The following POT1 variants were observed in gnomAD, a reference collection of about 807,000 sequenced individuals.
POT1 encodes the protein protection of telomeres 1, also known as protection of telomeres protein 1.
In POT1, 47 loss-of-function variants were observed where a neutral mutation model predicts 78.5. That is an observed-to-expected ratio of 0.60 (90% CI 0.47 to 0.76). The LOEUF (loss-of-function observed/expected upper bound fraction) is 0.76, where lower values mean the gene tolerates loss of function less well. Among genes scored for constraint, POT1 ranks in the 30% least tolerant of loss-of-function variants. POT1 has a pLI of 0.00. For missense variants in POT1, 646 were observed against 749.9 expected, an observed-to-expected ratio of 0.86 and a Z score of 1.62; for synonymous variants, 259 against 260.7, an observed-to-expected ratio of 0.99 and a Z score of 0.06.
chr7:124,881,529 C>T (rs1408761092), intron 6 of POT1, among the ~76,000 whole-genome samples: 1 of 151,982 alleles, frequency 6.6e-6, no homozygotes, highest in African/African-American at 2.4e-5. Context: ...AAACACCTTT[C>T]AGGTTCCCTC....
intron 6 of POT1, among the ~76,000 whole-genome samples, chr7:124,878,810 A>G (rs1245940633): frequency 6.6e-6 from 1 of 152,146 alleles, no homozygotes; most frequent in East Asian, 1.9e-4. Flanking sequence ...AAAATGTAGC[A>G]TAGAGATAGC....
At chr7:124,843,257 C>T (rs1320000900) in intron 12 of POT1, 2 of 205,686 alleles carry the variant, frequency 9.7e-6, no homozygotes, top group Non-Finnish European at 1.9e-5. Context: ...GTTTATTTAG[C>T]TAAGAAAATA....
At chr7:124,882,384 G>A (rs1016549184) in intron 6 of POT1, among the ~76,000 whole-genome samples, 4 of 152,026 alleles carry the variant, frequency 2.6e-5, no homozygotes, top group African/African-American at 9.6e-5. Context: ...CTTTTACAAG[G>A]AAACTTACTG....
At position 124,824,003 on chromosome 7, in the gene POT1, A is replaced by G. The variant is rs188854542; in HGVS notation, c.1864T>C (p.Tyr622His). The G allele has an allele frequency of 3.1e-6, 5 of 1,606,468 alleles. 1 individual carries two copies. The Admixed American group carries it at 5.0e-5, about 16-fold the overall frequency. ...GCAACTGTGGTGTCAAAAATCTGATAGCAAATTTGATTATCTGTTCCATTT... is the reference window on the plus strand; with the variant it reads ...GCAACTGTGGTGTCAAAAATCTGATGGCAAATTTGATTATCTGTTCCATTT... The part of the protein sequence containing the change: ...VTNGTDNQIC[Y>H]QIFDTTVAED... Residue 622 changes from tyrosine (Y) to histidine (H), a missense_variant, in exon 19 of 19, where the codon TAT becomes CAT. Coordinates refer to ENST00000357628, the MANE Select transcript of POT1 (RefSeq NM_015450.3).
At chr7:124,858,924 CATAAA>C (rs773891457) in intron 9 of POT1, 28 bp downstream of exon 9, 1 of 1,517,028 alleles carries the variant, frequency 6.6e-7, no homozygotes, top group Non-Finnish European at 9.0e-7. Context: ...TTTATAAAAA[CATAAA>C]ATAACATTTT....
intron 5 of POT1, chr7:124,892,699 TAC>T: frequency 6.2e-6 from 1 of 161,218 alleles, no homozygotes. Context: ...TGGTTCAACT[TAC>T]AATCTTCTGA....
chr7:124,873,521 T>C (rs1429600950), intron 6 of POT1, among the ~76,000 whole-genome samples: 1 of 152,242 alleles, frequency 6.6e-6, no homozygotes. Context: ...TTGAGGATTT[T>C]TGCATCTGTA....
chr7:124,873,801 A>G (rs919304842), intron 6 of POT1, among the ~76,000 whole-genome samples: 7 of 152,198 alleles, frequency 4.6e-5, no homozygotes, highest in Admixed American at 6.5e-5. Context: ...AACAAACCCC[A>G]AAACAGTGAA....
At chr7:124,923,066 C>G (rs539899347) in intron 2 of POT1, among the ~76,000 whole-genome samples, 3 of 151,570 alleles carry the variant, frequency 2.0e-5, no homozygotes, top group Non-Finnish European at 4.4e-5. Flanking sequence ...AATTGCTACA[C>G]TAGATGCACA....
chr7:124,892,397 C>CA lies in POT1; in HGVS notation c.10-18dup, dbSNP rs755200877. The stretch of plus-strand genomic sequence containing the variant: ...TGCTGGAACCTAAAGAAAGAGAAGA[C>CA]AGTGAATACATTTATACAAAGTATT... On this transcript the variant is annotated splice_polypyrimidine_tract_variant and intron_variant, in intron 5 of 18. Transcript: ENST00000357628. 21 of 1,208,178 alleles carry CA rather than the reference C, an allele frequency of 1.7e-5. No homozygotes were observed. In the South Asian group the frequency reaches 3.3e-4, roughly 19 times the overall value. 74.8% of individuals were successfully genotyped at this position (1,208,178 alleles called of 1,614,324 possible). A position where few individuals can be genotyped will look rare whatever the true frequency, so the allele number is the denominator to read the frequency against.
At chr7:124,918,850 C>A (rs866524046) in intron 2 of POT1, among the ~76,000 whole-genome samples, 6 of 152,152 alleles carry the variant, frequency 3.9e-5, no homozygotes, top group African/African-American at 1.2e-4. Flanking sequence ...CTAGATGCAT[C>A]ATTTCAGCCT....
intron 9 of POT1, among the ~76,000 whole-genome samples, chr7:124,856,063 T>C (rs1795439047): frequency 6.6e-6 from 1 of 152,246 alleles, no homozygotes; most frequent in South Asian, 2.1e-4. Context: ...AATACATTGC[T>C]TGTAGATGTT....
intron 3 of POT1, among the ~76,000 whole-genome samples, chr7:124,909,774 G>A (rs1157804551): frequency 6.6e-6 from 1 of 151,772 alleles, no homozygotes; most frequent in Non-Finnish European, 1.5e-5. Flanking sequence ...CTAATGTAAT[G>A]TACATGTTTT....
intron 11 of POT1, among the ~76,000 whole-genome samples, chr7:124,849,964 A>C (rs1032684968): frequency 3.9e-5 from 6 of 152,144 alleles, no homozygotes; most frequent in African/African-American, 1.4e-4. Context: ...CTAAACTGTT[A>C]AATCTTACCT....
chr7:124,919,256 G>T (rs1797089553), intron 2 of POT1, among the ~76,000 whole-genome samples: 1 of 152,092 alleles, frequency 6.6e-6, no homozygotes, highest in Admixed American at 6.6e-5. Context: ...GATGTTATGG[G>T]ATGGACCACC....
chr7:124,900,496 G>T (rs2116652314), intron 3 of POT1, among the ~76,000 whole-genome samples: 1 of 152,186 alleles, frequency 6.6e-6, no homozygotes, highest in Admixed American at 6.5e-5. Context: ...AGCCCTTAAA[G>T]TCCTGTAAGT....
chr7:124,842,756 T>C, intron 13 of POT1, 51 bp downstream of exon 13: 1 of 1,479,490 alleles, frequency 6.8e-7, no homozygotes, highest in Non-Finnish European at 9.2e-7. Context: ...TATGTGTACA[T>C]ATACACACAA....
At chr7:124,879,839 G>A (rs1796077504) in intron 6 of POT1, among the ~76,000 whole-genome samples, 1 of 151,900 alleles carries the variant, frequency 6.6e-6, no homozygotes, top group Non-Finnish European at 1.5e-5. Context: ...ATACATTAAC[G>A]GTTTCATCTA....
intron 8 of POT1, among the ~76,000 whole-genome samples, chr7:124,860,260 T>C (rs1795554692): frequency 6.6e-6 from 1 of 152,098 alleles, no homozygotes; most frequent in South Asian, 2.1e-4. Context: ...GAAACTACAG[T>C]AATCACTAAA....
Sources: gnomAD v4.1 joint callset for allele counts (sites outside exome capture counted in the v4.1 genomes callset) on GRCh38, gnomAD v4.1.1 for gene constraint, MANE v1.5 for transcripts, NCBI Gene and HGNC (gene_info 2026-07-23, HGNC 2026-07-21) for gene names.